QTMAN: variants seen among roughly 807,000 people sequenced by gnomAD.
The protein encoded by QTMAN is tRNA-queuosine alpha-mannosyltransferase.
the QTMAN span, among the ~76,000 whole-genome samples, chr2:144,205,429 C>A: frequency 1.3e-5 from 2 of 152,158 alleles, no homozygotes; most frequent in Non-Finnish European, 2.9e-5. Flanking sequence ...TCTAATTTGC[C>A]ACAACTTGGA....
chr2:144,081,043 G>GA, the QTMAN span, among the ~76,000 whole-genome samples: 4 of 152,186 alleles, frequency 2.6e-5, no homozygotes, highest in East Asian at 5.8e-4. Context: ...TGCTTTAAAA[G>GA]AAAAAATACC....
At chr2:144,049,502 T>C in the QTMAN span, among the ~76,000 whole-genome samples, 4 of 152,148 alleles carry the variant, frequency 2.6e-5, no homozygotes, top group Admixed American at 2.6e-4. Flanking sequence ...TGTAAATAAT[T>C]GGTAAAAATA....
At chr2:144,128,814 A>G in the QTMAN span, among the ~76,000 whole-genome samples, 11 of 152,042 alleles carry the variant, frequency 7.2e-5, no homozygotes, top group Non-Finnish European at 1.6e-4. Context: ...AAAACTGAAA[A>G]GAGAATGAAC....
At chr2:144,220,400 A>C in the QTMAN span, among the ~76,000 whole-genome samples, 1 of 152,220 alleles carries the variant, frequency 6.6e-6, no homozygotes, top group Non-Finnish European at 1.5e-5. Flanking sequence ...GCTTTCCCAT[A>C]TCAACAGCTT....
chr2:144,085,733 G>A, the QTMAN span, among the ~76,000 whole-genome samples: 1 of 152,124 alleles, frequency 6.6e-6, no homozygotes, highest in Non-Finnish European at 1.5e-5. Flanking sequence ...ATTCAGTGAG[G>A]CTTTGAATCG....
the QTMAN span, chr2:144,208,558 G>A: frequency 6.6e-7 from 1 of 1,524,168 alleles, no homozygotes; most frequent in Non-Finnish European, 9.0e-7. Flanking sequence ...CTCATAACAG[G>A]TACTTTTTAA....
chr2:144,142,374 C>T, the QTMAN span, among the ~76,000 whole-genome samples: 5 of 151,896 alleles, frequency 3.3e-5, no homozygotes, highest in Non-Finnish European at 4.4e-5. Context: ...TTATCAACAA[C>T]ACTACGTACA....
the QTMAN span, among the ~76,000 whole-genome samples, chr2:144,324,685 T>C: frequency 6.6e-6 from 1 of 152,100 alleles, no homozygotes; most frequent in Non-Finnish European, 1.5e-5. Flanking sequence ...CCCAAGGTAA[T>C]CAAGATATGA....
chr2:144,328,798 C>T, the QTMAN span, among the ~76,000 whole-genome samples: 1 of 152,118 alleles, frequency 6.6e-6, no homozygotes, highest in Non-Finnish European at 1.5e-5. Context: ...CAAAGACGTC[C>T]CTATGAAAGC....
the QTMAN span, among the ~76,000 whole-genome samples, chr2:144,266,374 C>T: frequency 6.6e-6 from 1 of 152,176 alleles, no homozygotes; most frequent in African/African-American, 2.4e-5. Flanking sequence ...GAAATCACTA[C>T]CCCACAGCCC....
At chr2:143,944,417 T>C in the QTMAN span, 5 of 152,084 alleles carry the variant, frequency 3.3e-5, no homozygotes, top group Admixed American at 3.3e-4. Flanking sequence ...TTTAATGTAA[T>C]TTTTTTAAAA....
the QTMAN span, among the ~76,000 whole-genome samples, chr2:144,260,201 T>C: frequency 2.4e-4 from 37 of 152,284 alleles, no homozygotes; most frequent in African/African-American, 7.9e-4. Context: ...TTACTGTAAT[T>C]CTTTTAATTT....
the QTMAN span, among the ~76,000 whole-genome samples, chr2:144,079,113 T>C: frequency 6.6e-6 from 1 of 152,156 alleles, no homozygotes; most frequent in African/African-American, 2.4e-5. Flanking sequence ...CAAACCTCAT[T>C]GACCCCCTTA....
chr2:144,040,461 G>A, the QTMAN span, among the ~76,000 whole-genome samples: 1 of 151,980 alleles, frequency 6.6e-6, no homozygotes, highest in East Asian at 1.9e-4. Context: ...CTACTTGGAG[G>A]TCTAGGACTA....
chr2:144,177,848 G>A, the QTMAN span, among the ~76,000 whole-genome samples: 1 of 152,010 alleles, frequency 6.6e-6, no homozygotes, highest in Non-Finnish European at 1.5e-5. Flanking sequence ...ACTGAAACAG[G>A]TAAGATTAGA....
At chr2:144,025,208 T>C in the QTMAN span, among the ~76,000 whole-genome samples, 4 of 152,170 alleles carry the variant, frequency 2.6e-5, no homozygotes, top group Non-Finnish European at 5.9e-5. Context: ...CTGGGATATC[T>C]GCCAGGAGAG....
At chr2:143,980,856 A>T in the QTMAN span, among the ~76,000 whole-genome samples, 1 of 152,150 alleles carries the variant, frequency 6.6e-6, no homozygotes, top group Admixed American at 6.5e-5. Context: ...TTAACTCTAC[A>T]CTAACTAGAA....
At chr2:144,047,230 C>G in the QTMAN span, among the ~76,000 whole-genome samples, 1 of 152,116 alleles carries the variant, frequency 6.6e-6, no homozygotes, top group African/African-American at 2.4e-5. Flanking sequence ...GAGATTGCAC[C>G]ACTGTCCTCC....
At chr2:144,174,323 T>C in the QTMAN span, among the ~76,000 whole-genome samples, 1 of 152,152 alleles carries the variant, frequency 6.6e-6, no homozygotes, top group Non-Finnish European at 1.5e-5. Flanking sequence ...TAGAAACTAT[T>C]TCAAGGATTT....
Sources: allele counts gnomAD v4.1 joint callset (sites outside exome capture counted in the v4.1 genomes callset), GRCh38; gene constraint gnomAD v4.1.1; transcripts MANE v1.5; gene names NCBI Gene and HGNC (gene_info 2026-07-23, HGNC 2026-07-21).